The following CCSER1 variants were observed in gnomAD, a reference collection of about 807,000 sequenced individuals.
CCSER1 encodes serine-rich coiled-coil domain-containing protein 1.
In CCSER1, 41 loss-of-function variants were observed where a neutral mutation model predicts 82.0. The observed-to-expected ratio is 0.50, with a 90% CI of 0.39 to 0.65. The LOEUF (loss-of-function observed/expected upper bound fraction) is 0.65. CCSER1 is among the 30% of genes least tolerant of loss of function. The probability of loss-of-function intolerance (pLI) is 0.00; values close to 1 mark genes in which losing one functional copy is unlikely to be tolerated. For synonymous variants in CCSER1, 414 were observed against 383.9 expected (o/e 1.08, Z -0.92); for missense variants, 1,119 against 1,064.2 (o/e 1.05, Z -0.72).
intron 4 of CCSER1, among the ~76,000 whole-genome samples, chr4:90,422,655 A>G (rs1207674875): frequency 6.6e-6 from 1 of 152,196 alleles, no homozygotes; most frequent in East Asian, 1.9e-4. Context: ...ACAGAAAAAA[A>G]AACACCAAAC....
intron 10 of CCSER1, among the ~76,000 whole-genome samples, chr4:91,277,225 A>G (rs1228445267): frequency 2.0e-5 from 3 of 152,088 alleles, no homozygotes; most frequent in East Asian, 3.8e-4. Flanking sequence ...AAGAATTGGT[A>G]TAAGTTCTTA....
At chr4:91,503,341 C>CAA (rs530250350) in intron 10 of CCSER1, among the ~76,000 whole-genome samples, 3 of 79,604 alleles carry the variant, frequency 3.8e-5, no homozygotes, top group Non-Finnish European at 5.2e-5. Flanking sequence ...TACTCCATCT[C>CAA]AAAAAAAAAA....
chr4:90,356,071 AG>A (rs949278456), intron 3 of CCSER1, among the ~76,000 whole-genome samples: 58 of 152,046 alleles, frequency 3.8e-4, no homozygotes, highest in African/African-American at 1.1e-3. Flanking sequence ...TCTTTATAAA[AG>A]TATGTAATTA....
chr4:91,370,855 G>T (rs901819602), intron 10 of CCSER1, among the ~76,000 whole-genome samples: 1 of 151,890 alleles, frequency 6.6e-6, no homozygotes, highest in Admixed American at 6.6e-5. Context: ...TGTGTTACAA[G>T]CATTCAAATT....
intron 3 of CCSER1, among the ~76,000 whole-genome samples, chr4:90,397,258 A>G (rs1359370232): frequency 2.0e-5 from 3 of 152,216 alleles, no homozygotes; most frequent in Non-Finnish European, 4.4e-5. Context: ...CTGCAAAAGG[A>G]AAATAAAATG....
intron 5 of CCSER1, among the ~76,000 whole-genome samples, chr4:90,545,880 C>G (rs1472470234): frequency 6.6e-6 from 1 of 152,090 alleles, no homozygotes; most frequent in Non-Finnish European, 1.5e-5. Context: ...ACAATATTTT[C>G]CTCTAGGGAA....
At chr4:91,556,603 A>C (rs1388542474) in intron 10 of CCSER1, among the ~76,000 whole-genome samples, 1 of 151,104 alleles carries the variant, frequency 6.6e-6, no homozygotes, top group East Asian at 1.9e-4. Flanking sequence ...ACAGATTATA[A>C]ATTAATAATT....
chr4:91,076,618 C>A (rs1376460787), intron 9 of CCSER1, among the ~76,000 whole-genome samples: 2 of 151,970 alleles, frequency 1.3e-5, no homozygotes, highest in African/African-American at 2.4e-5. Flanking sequence ...TTAATTTCCT[C>A]CTTTGAAAAA....
chr4:91,508,558 GTTT>G lies in CCSER1; in HGVS notation c.2218-90001_2218-89999del, dbSNP rs201824630. Among the ~76,000 whole-genome samples the G allele has an allele frequency of 3.9e-4, 52 of 133,378 alleles. No individual in the cohort carries two copies. The East Asian group carries it at 9.9e-3, about 25-fold the overall frequency. 87.5% of individuals were successfully genotyped at this position (133,378 alleles called of 152,430 possible). Reference sequence around the variant, plus strand: ...ATCCAATAAAAGTTACTGGTCTGTAGTTTTTTTTTTTTTTTCACATGAAGTCTT... The same window carrying G: ...ATCCAATAAAAGTTACTGGTCTGTAGTTTTTTTTTTTTCACATGAAGTCTT... On this transcript the variant is annotated intron_variant, in intron 10 of 10. Coordinates refer to ENST00000509176, the MANE Select transcript of CCSER1 (RefSeq NM_001145065.2).
At chr4:91,197,778 C>T (rs1735572433) in intron 10 of CCSER1, among the ~76,000 whole-genome samples, 2 of 152,136 alleles carry the variant, frequency 1.3e-5, no homozygotes, top group Non-Finnish European at 2.9e-5. Flanking sequence ...TACGTGCCCC[C>T]ATGGTATCTC....
chr4:91,038,602 A>T (rs1741655699), intron 9 of CCSER1, among the ~76,000 whole-genome samples: 1 of 152,190 alleles, frequency 6.6e-6, no homozygotes, highest in African/African-American at 2.4e-5. Context: ...ATGATCACGG[A>T]TCCTGGACTT....
At chr4:91,282,050 G>T (rs1581898940) in intron 10 of CCSER1, among the ~76,000 whole-genome samples, 1 of 152,122 alleles carries the variant, frequency 6.6e-6, no homozygotes, top group African/African-American at 2.4e-5. Flanking sequence ...AAAAAAACTT[G>T]AATGTTTTTG....
intron 7 of CCSER1, among the ~76,000 whole-genome samples, chr4:90,756,627 A>G (rs555391407): frequency 2.0e-5 from 3 of 152,290 alleles, no homozygotes; most frequent in Non-Finnish European, 2.9e-5. Context: ...TAATTTTGAT[A>G]TATTTGTGAC....
chr4:90,220,694 G>A (rs889457677), intron 1 of CCSER1, among the ~76,000 whole-genome samples: 7 of 152,136 alleles, frequency 4.6e-5, no homozygotes, highest in African/African-American at 1.4e-4. Flanking sequence ...TTGATGAATC[G>A]CTTTAATTTA....
chr4:90,261,077 C>A (rs932968182), intron 1 of CCSER1, among the ~76,000 whole-genome samples: 4 of 151,922 alleles, frequency 2.6e-5, no homozygotes, highest in African/African-American at 9.7e-5. Flanking sequence ...GCATTTAGGC[C>A]ATTTACATTC....
chr4:90,708,404 TC>T (rs1215563381), intron 6 of CCSER1, among the ~76,000 whole-genome samples: 1 of 152,154 alleles, frequency 6.6e-6, no homozygotes, highest in East Asian at 1.9e-4. Flanking sequence ...CTGAGTTCAT[TC>T]ACCCCAAATT....
chr4:91,268,901 C>T (rs1376543960), intron 10 of CCSER1, among the ~76,000 whole-genome samples: 1 of 152,184 alleles, frequency 6.6e-6, no homozygotes, highest in Non-Finnish European at 1.5e-5. Context: ...TGTGATTCTT[C>T]ACTTGCTTCA....
At chr4:90,666,987 T>C (rs1407098121) in intron 6 of CCSER1, among the ~76,000 whole-genome samples, 1 of 152,174 alleles carries the variant, frequency 6.6e-6, no homozygotes, top group Non-Finnish European at 1.5e-5. Flanking sequence ...ATATATTTCT[T>C]TCACTAGTTA....
chr4:91,457,898 AATTAT>A (rs1232899469), intron 10 of CCSER1, among the ~76,000 whole-genome samples: 1 of 152,192 alleles, frequency 6.6e-6, no homozygotes, highest in Non-Finnish European at 1.5e-5. Flanking sequence ...TTTGATATGA[AATTAT>A]ATTAGATACA....
Sources: gnomAD v4.1 joint callset for allele counts (sites outside exome capture counted in the v4.1 genomes callset) on GRCh38, gnomAD v4.1.1 for gene constraint, MANE v1.5 for transcripts, NCBI Gene and HGNC (gene_info 2026-07-23, HGNC 2026-07-21) for gene names.